The following ELAVL2 variants were observed in gnomAD, a reference collection of about 807,000 sequenced individuals.
ELAVL2 encodes ELAV-like protein 2.
ELAVL2 carries 4 observed loss-of-function variants against 34.6 expected under a neutral mutation model. The observed-to-expected ratio is 0.12, with a 90% CI of 0.06 to 0.26. The LOEUF (loss-of-function observed/expected upper bound fraction) is 0.26. Ranked by LOEUF, ELAVL2 falls within the 10% of genes least tolerant of loss-of-function variation. The pLI is 1.00. For missense variants in ELAVL2, 432 were observed against 442.8 expected, an observed-to-expected ratio of 0.98 and a Z score of 0.22; for synonymous variants, 193 against 154.8, an observed-to-expected ratio of 1.25 and a Z score of -1.83.
At chr9:23,834,713 C>A in the ELAVL2 span, among the ~76,000 whole-genome samples, 1 of 151,926 alleles carries the variant, frequency 6.6e-6, no homozygotes, top group Non-Finnish European at 1.5e-5. Flanking sequence ...GATAAATATT[C>A]TCTCACATTT....
chr9:23,810,653 T>C (rs1445738026), intron 1 of ELAVL2, among the ~76,000 whole-genome samples: 1 of 152,178 alleles, frequency 6.6e-6, no homozygotes, highest in African/African-American at 2.4e-5. Context: ...AACATCATTC[T>C]GGGATCCATG....
intron 1 of ELAVL2, among the ~76,000 whole-genome samples, chr9:23,819,716 T>C (rs1256845279): frequency 6.6e-6 from 1 of 152,108 alleles, no homozygotes; most frequent in Admixed American, 6.5e-5. Flanking sequence ...AAGGGGCTGG[T>C]TTTAACCACA....
At chr9:23,762,300 T>C (rs1325025460) in intron 1 of ELAVL2, 51 bp from the exon 2 acceptor site, 1 of 1,581,176 alleles carries the variant, frequency 6.3e-7, no homozygotes, top group African/African-American at 1.4e-5. Flanking sequence ...CACAACCTAT[T>C]AGAGACTCCA....
chr9:23,703,733 T>C (rs927531689), intron 4 of ELAVL2, among the ~76,000 whole-genome samples: 3 of 152,128 alleles, frequency 2.0e-5, no homozygotes, highest in Non-Finnish European at 2.9e-5. Context: ...CTCCAAGGTA[T>C]TATTATTATA....
chr9:23,783,073 T>C (rs2059270820), intron 1 of ELAVL2, among the ~76,000 whole-genome samples: 1 of 152,206 alleles, frequency 6.6e-6, no homozygotes, highest in Non-Finnish European at 1.5e-5. Context: ...CTTCATTTTC[T>C]ATGCATCCAA....
intron 5 of ELAVL2, among the ~76,000 whole-genome samples, chr9:23,696,652 T>C (rs569302238): frequency 6.6e-6 from 1 of 152,134 alleles, no homozygotes; most frequent in Non-Finnish European, 1.5e-5. Flanking sequence ...TTTGTATTTT[T>C]AGTAGAGACG....
intron 2 of ELAVL2, among the ~76,000 whole-genome samples, chr9:23,740,761 T>C (rs529008080): frequency 2.8e-4 from 42 of 152,318 alleles, no homozygotes; most frequent in Admixed American, 7.2e-4. Flanking sequence ...GTATCTGCAT[T>C]ATAAAAAGAT....
rs2057279288 is a variant in ELAVL2, at chr9:23,771,389, G to T, written c.-15-9140C>A. 2.0e-5 allele frequency among the ~76,000 whole-genome samples: 3 copies of T among 152,056 alleles called. No individual in the cohort carries two copies. In the South Asian group the frequency reaches 6.2e-4, roughly 32 times the overall value. ...AATAAGCAAAGGAAGAGATTTTATGGACAGTTGTGCCTTAAAAGAAAATAA... is the reference window on the plus strand; with the variant it reads ...AATAAGCAAAGGAAGAGATTTTATGTACAGTTGTGCCTTAAAAGAAAATAA... On this transcript the variant is annotated intron_variant, in intron 1 of 6. Coordinates refer to ENST00000397312, the MANE Select transcript of ELAVL2 (RefSeq NM_004432.5).
chr9:23,709,839 C>T (rs2040455130), intron 3 of ELAVL2, among the ~76,000 whole-genome samples: 1 of 152,132 alleles, frequency 6.6e-6, no homozygotes, highest in African/African-American at 2.4e-5. Flanking sequence ...AAGAGGCAGC[C>T]AGAGAGTCTG....
intron 3 of ELAVL2, among the ~76,000 whole-genome samples, chr9:23,712,686 C>A (rs1226781875): frequency 1.3e-5 from 2 of 152,092 alleles, no homozygotes; most frequent in African/African-American, 4.8e-5. Flanking sequence ...AACAGGAAAA[C>A]AGAATGGCAA....
chr9:23,811,345 C>A (rs890846624), intron 1 of ELAVL2, among the ~76,000 whole-genome samples: 14 of 146,322 alleles, frequency 9.6e-5, no homozygotes, highest in Non-Finnish European at 1.8e-4. Flanking sequence ...AAAAAAAAAA[C>A]CCACGAAACA....
chr9:23,735,105 CAAAAAAAA>C lies in ELAVL2; in HGVS notation c.230-3988_230-3981del. ...CCAAAATGACAAAGCTAAGGCTCTTCAAAAAAAAAAAAAAAAAAAAAAGCCCTTAAGAA... is the reference window on the plus strand; with the variant it reads ...CCAAAATGACAAAGCTAAGGCTCTTCAAAAAAAAAAAAAAGCCCTTAAGAA... On this transcript the variant is annotated intron_variant, in intron 2 of 6. Transcript: ENST00000397312. 30 of 27,962 alleles carry C rather than the reference CAAAAAAAA, an allele frequency of 1.1e-3. No individual in the cohort carries two copies. In the East Asian group the frequency reaches 0.019, roughly 18 times the overall value. 1.7% of individuals were successfully genotyped at this position (27,962 alleles called of 1,614,324 possible).
At chr9:23,782,167 A>G (rs969900677) in intron 1 of ELAVL2, among the ~76,000 whole-genome samples, 7 of 152,306 alleles carry the variant, frequency 4.6e-5, no homozygotes, top group Middle Eastern at 3.4e-3. Flanking sequence ...AACCAAGTCA[A>G]AACACTTTTA....
intron 2 of ELAVL2, among the ~76,000 whole-genome samples, chr9:23,746,587 G>A (rs1258204025): frequency 6.6e-6 from 1 of 152,050 alleles, no homozygotes; most frequent in Non-Finnish European, 1.5e-5. Context: ...TAGGTCCTGA[G>A]ATAAAATGCC....
chr9:23,845,232 T>C, the ELAVL2 span, among the ~76,000 whole-genome samples: 4 of 151,808 alleles, frequency 2.6e-5, no homozygotes, highest in Non-Finnish European at 4.4e-5. Flanking sequence ...AACCATAACT[T>C]TTATATGTAT....
At chr9:23,795,573 G>A (rs1271164275) in intron 1 of ELAVL2, among the ~76,000 whole-genome samples, 2 of 151,992 alleles carry the variant, frequency 1.3e-5, no homozygotes, top group Non-Finnish European at 2.9e-5. Context: ...AATAAATGGG[G>A]AAAACAACAT....
At chr9:23,712,393 C>T (rs2041212645) in intron 3 of ELAVL2, among the ~76,000 whole-genome samples, 1 of 152,048 alleles carries the variant, frequency 6.6e-6, no homozygotes, top group Admixed American at 6.5e-5. Context: ...AAATAAGAAC[C>T]TTAGCTTTGC....
chr9:23,814,352 A>AC (rs1473908998), intron 1 of ELAVL2, among the ~76,000 whole-genome samples: 3 of 152,102 alleles, frequency 2.0e-5, no homozygotes, highest in Non-Finnish European at 2.9e-5. Context: ...GTTGCACCTG[A>AC]CCCCAAATTA....
At chr9:23,735,918 A>G (rs537801398) in intron 2 of ELAVL2, among the ~76,000 whole-genome samples, 2 of 152,284 alleles carry the variant, frequency 1.3e-5, no homozygotes, top group Admixed American at 6.5e-5. Flanking sequence ...GTTTAGTGGC[A>G]AAGTGCTACT....
Sources: gnomAD v4.1 joint callset for allele counts (sites outside exome capture counted in the v4.1 genomes callset) on GRCh38, gnomAD v4.1.1 for gene constraint, MANE v1.5 for transcripts, NCBI Gene and HGNC (gene_info 2026-07-23, HGNC 2026-07-21) for gene names.